PRH1: variants seen among roughly 807,000 people sequenced by gnomAD.
PRH1 encodes salivary acidic proline-rich phosphoprotein 1/2.
Under a neutral mutation model 7.9 loss-of-function variants are expected in PRH1, and 7 were observed. The ratio of observed to expected loss-of-function variants is 0.89; its 90% CI spans 0.50 to 1.67. The LOEUF is 1.67. Among genes scored for constraint, PRH1 ranks in the 40% most tolerant of loss-of-function variants. The probability of loss-of-function intolerance (pLI) is 0.00; values close to 1 mark genes in which losing one functional copy is unlikely to be tolerated. For synonymous variants in PRH1, 45 were observed against 80.8 expected, an observed-to-expected ratio of 0.56 and a Z score of 2.38; for missense variants, 109 against 223.6, an observed-to-expected ratio of 0.49 and a Z score of 3.27.
At chr12:10,962,026 C>G (rs192629361) in intron 2 of PRH1, among the ~76,000 whole-genome samples, 5 of 152,306 alleles carry the variant, frequency 3.3e-5, no homozygotes, top group African/African-American at 7.2e-5. Context: ...GTGCTCTTGC[C>G]TCAATTTCCA....
At chr12:10,897,051 T>G (rs1264480320) in intron 2 of PRH1, 1 of 152,146 alleles carries the variant, frequency 6.6e-6, no homozygotes, top group East Asian at 1.9e-4. Flanking sequence ...GCAGAGGCCA[T>G]GTGCAGGCCC....
chr12:11,022,393 C>T, intron 1 of PRH1: 1 of 1,611,630 alleles, frequency 6.2e-7, no homozygotes, highest in Non-Finnish European at 8.5e-7. Context: ...TAACATGACC[C>T]AGAGTAAACC....
At chr12:10,972,913 G>T (rs1439013613) in intron 2 of PRH1, among the ~76,000 whole-genome samples, 4 of 142,964 alleles carry the variant, frequency 2.8e-5, no homozygotes. Context: ...CAATTAACAC[G>T]TACAAAGCAC....
chr12:10,894,183 AT>A (rs1453168877), intron 2 of PRH1, among the ~76,000 whole-genome samples: 1 of 152,124 alleles, frequency 6.6e-6, no homozygotes, highest in Non-Finnish European at 1.5e-5. Flanking sequence ...CTTACTTAAA[AT>A]CTTACTGATT....
At chr12:11,076,353 A>G (rs1473450653) in intron 1 of PRH1, among the ~76,000 whole-genome samples, 14 of 18,282 alleles carry the variant, frequency 7.7e-4, no homozygotes, top group Non-Finnish European at 5.0e-3. Context: ...ACATTTAACG[A>G]AAGTTTAACA....
At chr12:10,928,236 A>G (rs1412394905) in intron 2 of PRH1, among the ~76,000 whole-genome samples, 1 of 152,222 alleles carries the variant, frequency 6.6e-6, no homozygotes, top group Admixed American at 6.5e-5. Context: ...CTCTGATGAA[A>G]CTGGTGACAT....
At chr12:11,152,973 CA>C (rs1385208615) in intron 1 of PRH1, among the ~76,000 whole-genome samples, 1 of 152,100 alleles carries the variant, frequency 6.6e-6, no homozygotes, top group East Asian at 1.9e-4. Flanking sequence ...TTAGTTGTCT[CA>C]TATAATTAGA....
chr12:11,101,069 T>C (rs887432877), intron 1 of PRH1, among the ~76,000 whole-genome samples: 13 of 152,192 alleles, frequency 8.5e-5, no homozygotes, highest in Non-Finnish European at 1.8e-4. Context: ...ATAATTAAAT[T>C]GGAAATAAGA....
chr12:10,997,271 A>G (rs756516252), intron 1 of PRH1: 7 of 1,614,008 alleles, frequency 4.3e-6, no homozygotes, highest in Non-Finnish European at 5.9e-6. Context: ...ATGTTTACAC[A>G]GAGAGTAGAT....
chr12:10,929,714 C>A (rs757687416), intron 2 of PRH1, among the ~76,000 whole-genome samples: 11 of 152,072 alleles, frequency 7.2e-5, no homozygotes, highest in Non-Finnish European at 1.6e-4. Flanking sequence ...GGATGAGTAT[C>A]CATGAAGGAG....
chr12:10,992,325 A>G (rs1398869969), intron 1 of PRH1, among the ~76,000 whole-genome samples: 1 of 148,048 alleles, frequency 6.8e-6, no homozygotes, highest in Non-Finnish European at 1.5e-5. Flanking sequence ...GGCCTGAACT[A>G]ACACTAATAA....
At chr12:10,910,186 C>A (rs1478933850) in intron 2 of PRH1, among the ~76,000 whole-genome samples, 2 of 152,172 alleles carry the variant, frequency 1.3e-5, no homozygotes, top group African/African-American at 4.8e-5. Context: ...ATGCCTAAAA[C>A]AGCAGATAGT....
intron 1 of PRH1, chr12:11,031,394 T>A: frequency 6.3e-7 from 1 of 1,575,302 alleles, no homozygotes; most frequent in Non-Finnish European, 8.6e-7. Flanking sequence ...AGTTGGTTCC[T>A]GCAGGTGGGT....
chr12:11,156,586 T>C (rs1487587687), intron 1 of PRH1, among the ~76,000 whole-genome samples: 4 of 152,198 alleles, frequency 2.6e-5, no homozygotes, highest in Admixed American at 1.3e-4. Flanking sequence ...AATTCACTAA[T>C]TCTTTATTCT....
intron 2 of PRH1, among the ~76,000 whole-genome samples, chr12:10,948,295 C>A (rs1950518284): frequency 6.6e-6 from 1 of 152,148 alleles, no homozygotes; most frequent in Non-Finnish European, 1.5e-5. Context: ...TTTTTATAAT[C>A]CCATACTTCT....
intron 1 of PRH1, among the ~76,000 whole-genome samples, chr12:11,072,481 C>T (rs558259184): frequency 7.2e-5 from 11 of 152,330 alleles, no homozygotes; most frequent in Admixed American, 1.3e-4. Context: ...AGGACCAAGG[C>T]GAAGCCTGCG....
chr12:11,152,152 T>TACATG (rs1390946211), intron 1 of PRH1, among the ~76,000 whole-genome samples: 1 of 151,848 alleles, frequency 6.6e-6, no homozygotes, highest in Non-Finnish European at 1.5e-5. Context: ...TACATATGTA[T>TACATG]ACATGTGCCA....
intron 2 of PRH1, among the ~76,000 whole-genome samples, chr12:10,889,463 A>T (rs11610095): frequency 4.6e-5 from 7 of 152,108 alleles, no homozygotes; most frequent in Non-Finnish European, 1.0e-4. Context: ...AATTTTCAGA[A>T]ATTGGACAAT....
chr12:10,900,819 A>G (rs1949712289), intron 2 of PRH1, among the ~76,000 whole-genome samples: 1 of 152,098 alleles, frequency 6.6e-6, no homozygotes, highest in Admixed American at 6.6e-5. Flanking sequence ...ATCCTAGAAT[A>G]GGGAGGCCCT....
Sources: allele counts gnomAD v4.1 joint callset (sites outside exome capture counted in the v4.1 genomes callset), GRCh38; gene constraint gnomAD v4.1.1; transcripts MANE v1.5; gene names NCBI Gene and HGNC (gene_info 2026-07-23, HGNC 2026-07-21).